SLC9A2: variants seen among roughly 807,000 people sequenced by gnomAD.
SLC9A2 encodes the protein solute carrier family 9 member A2, also known as sodium/hydrogen exchanger 2.
SLC9A2 carries 42 observed loss-of-function variants against 71.7 expected under a neutral mutation model. The ratio of observed to expected loss-of-function variants is 0.59; its 90% confidence interval spans 0.46 to 0.76. The LOEUF (loss-of-function observed/expected upper bound fraction) is 0.76, where lower values mean the gene tolerates loss of function less well. SLC9A2 is among the 30% of genes least tolerant of loss of function. SLC9A2 has a pLI of 0.00. For missense variants in SLC9A2, 829 were observed against 1,017.4 expected (o/e 0.81, Z 2.52); for synonymous variants, 396 against 392.5 (o/e 1.01, Z -0.10).
chr2:102,704,989 C>T (rs1677946561), intron 10 of SLC9A2, among the ~76,000 whole-genome samples: 1 of 152,018 alleles, frequency 6.6e-6, no homozygotes, highest in African/African-American at 2.4e-5. Context: ...ATTGCCTGAG[C>T]TCAGGAGTTC....
intron 2 of SLC9A2, among the ~76,000 whole-genome samples, chr2:102,661,099 T>C (rs1179146041): frequency 6.6e-6 from 1 of 152,222 alleles, no homozygotes; most frequent in East Asian, 1.9e-4. Context: ...ACATGACAAT[T>C]GAAAAAAATA....
chr2:102,668,707 C>T (rs754429179), intron 3 of SLC9A2, among the ~76,000 whole-genome samples: 8 of 152,168 alleles, frequency 5.3e-5, no homozygotes, highest in South Asian at 2.1e-4. Context: ...ACCTGCTAGG[C>T]GGGGAGAGAG....
intron 2 of SLC9A2, among the ~76,000 whole-genome samples, chr2:102,661,787 A>G (rs1416940768): frequency 6.6e-6 from 1 of 152,230 alleles, no homozygotes; most frequent in Non-Finnish European, 1.5e-5. Context: ...CTAAGGATAA[A>G]GTGTCAAGGG....
chr2:102,694,655 G>A (rs1164290175), intron 6 of SLC9A2, 152 bp downstream of exon 6: 4 of 465,990 alleles, frequency 8.6e-6, no homozygotes, highest in South Asian at 1.2e-4. Context: ...TGCTGGGGGA[G>A]TATAGAATAG....
chr2:102,693,429 T>G (rs1240209346), intron 5 of SLC9A2, among the ~76,000 whole-genome samples: 1 of 152,186 alleles, frequency 6.6e-6, no homozygotes, highest in African/African-American at 2.4e-5. Flanking sequence ...CTAATAGAAA[T>G]GCTTATAATG....
chr2:102,681,350 G>A (rs1344101417), intron 3 of SLC9A2, among the ~76,000 whole-genome samples: 1 of 152,194 alleles, frequency 6.6e-6, no homozygotes, highest in Non-Finnish European at 1.5e-5. Flanking sequence ...GGGATGACAG[G>A]TGTGAGCCAC....
intron 3 of SLC9A2, among the ~76,000 whole-genome samples, chr2:102,670,452 T>G (rs1354718092): frequency 6.6e-6 from 1 of 152,114 alleles, no homozygotes; most frequent in Non-Finnish European, 1.5e-5. Context: ...TAGAAAATGG[T>G]GATTAGTTTC....
rs140212018 is a variant in SLC9A2, at chr2:102,663,723, A to G, written c.754-1377A>G. ...AGGGTGTAGCACAGCCTTTCTCCCT[A>G]ACGTCCTTATCAGTCGGTTTTCCTG... On this transcript the variant is annotated intron_variant, in intron 2 of 11. Coordinates refer to ENST00000233969, the MANE Select transcript of SLC9A2 (RefSeq NM_003048.6). 1.0e-3 allele frequency among the ~76,000 whole-genome samples: 159 copies of G among 152,320 alleles called. 1 individual carries two copies. The highest frequency in any genetic ancestry group is 3.4e-3 in the Middle Eastern group (1 of 294).
rs947335871 is a variant in SLC9A2, at chr2:102,710,813, G to A, written c.*2324G>A. On this transcript the variant is annotated 3_prime_UTR_variant, in exon 12 of 12. Transcript: ENST00000233969. The stretch of plus-strand genomic sequence containing the variant: ...GCCGTAGCCCTTTGTAAAGGCTTTC[G>A]TTCGTCCAAACAACACTTGATCCAA... 2.0e-5 allele frequency: 3 copies of A among 152,274 alleles called. No individual in the cohort carries two copies. Among genetic ancestry groups the A allele is most frequent in the African/African-American group, 4.8e-5 (2 of 41,424 alleles). 9.4% of individuals were successfully genotyped at this position (152,274 alleles called of 1,614,324 possible). A position where few individuals can be genotyped will look rare whatever the true frequency, so the allele number is the denominator to read the frequency against.
intron 5 of SLC9A2, among the ~76,000 whole-genome samples, chr2:102,691,157 A>G (rs1407917202): frequency 6.6e-6 from 1 of 152,244 alleles, no homozygotes; most frequent in Non-Finnish European, 1.5e-5. Context: ...CCCTGCTGTT[A>G]CATGATTCTC....
At chr2:102,679,009 A>G (rs1340626005) in intron 3 of SLC9A2, among the ~76,000 whole-genome samples, 1 of 152,204 alleles carries the variant, frequency 6.6e-6, no homozygotes, top group Non-Finnish European at 1.5e-5. Context: ...ATCTCTTTGC[A>G]GTAAAAACAG....
At chr2:102,707,153 T>G (rs1401630446) in intron 11 of SLC9A2, among the ~76,000 whole-genome samples, 1 of 152,184 alleles carries the variant, frequency 6.6e-6, no homozygotes. Flanking sequence ...ATTGGTACTA[T>G]GCTCACTACT....
At chr2:102,700,602 T>C (rs1178819447) in intron 7 of SLC9A2, among the ~76,000 whole-genome samples, 1 of 152,082 alleles carries the variant, frequency 6.6e-6, no homozygotes, top group African/African-American at 2.4e-5. Flanking sequence ...TAATGGAGTA[T>C]TGAGGCAATG....
intron 3 of SLC9A2, among the ~76,000 whole-genome samples, chr2:102,672,419 CAT>C (rs1295678955): frequency 6.6e-6 from 1 of 151,798 alleles, no homozygotes; most frequent in Non-Finnish European, 1.5e-5. Flanking sequence ...GACTTGGTGA[CAT>C]ATGTTTTACT....
intron 3 of SLC9A2, 107 bp downstream of exon 3, chr2:102,665,457 C>T (rs1035789626): frequency 1.5e-5 from 19 of 1,227,072 alleles, no homozygotes; most frequent in Middle Eastern, 2.0e-4. Flanking sequence ...ACTAGGTTTT[C>T]TTATTCTTTT....
At chr2:102,631,498 A>G (rs1443760320) in intron 1 of SLC9A2, among the ~76,000 whole-genome samples, 1 of 151,976 alleles carries the variant, frequency 6.6e-6, no homozygotes, top group East Asian at 1.9e-4. Context: ...TCCTACTGAC[A>G]TATCTCATTT....
chr2:102,632,153 TACAC>T (rs1165189026), intron 1 of SLC9A2, among the ~76,000 whole-genome samples: 1 of 51,046 alleles, frequency 2.0e-5, no homozygotes, highest in Non-Finnish European at 4.6e-5. Flanking sequence ...TATACATATA[TACAC>T]ATATATACAC....
chr2:102,708,572 C>A lies in SLC9A2; in HGVS notation c.*83C>A. On this transcript the variant is annotated 3_prime_UTR_variant, in exon 12 of 12. Coordinates refer to ENST00000233969, the MANE Select transcript of SLC9A2 (RefSeq NM_003048.6). ...CTGAAACCTGATGCAACAGTGGAAT[C>A]CATGTAAAACTCTCTGTGCATCTAA... The A allele has an allele frequency of 1.4e-6, 2 of 1,455,500 alleles. No individual in the cohort carries two copies. The highest frequency in any genetic ancestry group is 1.4e-5 in the South Asian group (1 of 74,006). 90.2% of individuals were successfully genotyped at this position (1,455,500 alleles called of 1,614,324 possible).
chr2:102,692,272 T>C (rs1310096434), intron 5 of SLC9A2, among the ~76,000 whole-genome samples: 4 of 152,188 alleles, frequency 2.6e-5, no homozygotes, highest in African/African-American at 7.2e-5. Flanking sequence ...AAATGAAAGT[T>C]AAGCTGAAAA....
Sources: gnomAD v4.1 joint callset for allele counts (sites outside exome capture counted in the v4.1 genomes callset) on GRCh38, gnomAD v4.1.1 for gene constraint, MANE v1.5 for transcripts, NCBI Gene and HGNC (gene_info 2026-07-23, HGNC 2026-07-21) for gene names.